The following SMAD9 variants were observed in gnomAD, a reference collection of about 807,000 sequenced individuals.
SMAD9 encodes the protein SMAD family member 9, also known as MAD homolog 9.
SMAD9 carries 36 observed loss-of-function variants against 46.1 expected under a neutral mutation model. The observed-to-expected ratio is 0.78, with a 90% CI of 0.60 to 1.03. The LOEUF is 1.03. Ranked by LOEUF, SMAD9 falls within the 50% of genes least tolerant of loss-of-function variation. SMAD9 has a pLI of 0.00. For synonymous variants in SMAD9, 245 were observed against 237.1 expected, an observed-to-expected ratio of 1.03 and a Z score of -0.31; for missense variants, 572 against 599.8, an observed-to-expected ratio of 0.95 and a Z score of 0.48.
rs550496577 is a variant in SMAD9, at chr13:36,851,706, T to A, written c.1260+1713A>T. The stretch of plus-strand genomic sequence containing the variant: ...TCTGATCCATCAGCCCAGTGGTAGC[T>A]ACAGCTGCTCATCTCAAATGTTAAA... On this transcript the variant is annotated intron_variant, in intron 6 of 6. Transcript: ENST00000379826. The A allele has an allele frequency of 6.1e-5, 59 of 968,430 alleles. No individual in the cohort carries two copies. The South Asian group carries it at 2.4e-3, about 39-fold the overall frequency. The allele number at this position is 968,430 out of a possible 1,614,324, so 60.0% of individuals were successfully genotyped here.
chr13:36,884,585 T>C (rs757040743), intron 1 of SMAD9, among the ~76,000 whole-genome samples: 1 of 152,206 alleles, frequency 6.6e-6, no homozygotes, highest in Non-Finnish European at 1.5e-5. Context: ...GCATACACCA[T>C]GATTTAAGTG....
chr13:36,851,825 T>C, intron 6 of SMAD9: 1 of 982,340 alleles, frequency 1.0e-6, no homozygotes, highest in African/African-American at 1.7e-5. Flanking sequence ...TTGTGTAGCT[T>C]TATGAATGTA....
chr13:36,877,974 T>C lies in SMAD9; in HGVS notation c.412+1304A>G, dbSNP rs532284067. On this transcript the variant is annotated intron_variant, in intron 2 of 6. Transcript: ENST00000379826. ...CTAATGTGCCAGCGCTTTGGTTTCC[T>C]GGGATGAGGCAGATGGCCAAAGAGA... is the stretch of plus-strand genomic sequence containing the variant. Among the ~76,000 whole-genome samples, 8 of 152,312 alleles carry C rather than the reference T, an allele frequency of 5.3e-5. No individual in the cohort carries two copies. In the East Asian group the frequency reaches 9.6e-4, roughly 18 times the overall value.
At chr13:36,900,656 G>A (rs2058566719) in intron 1 of SMAD9, among the ~76,000 whole-genome samples, 1 of 143,800 alleles carries the variant, frequency 7.0e-6, no homozygotes, top group African/African-American at 2.6e-5. Context: ...TTCCCGAAAG[G>A]ACTTACCACT....
chr13:36,898,044 G>T (rs988869989), intron 1 of SMAD9, among the ~76,000 whole-genome samples: 1 of 151,572 alleles, frequency 6.6e-6, no homozygotes, highest in Non-Finnish European at 1.5e-5. Flanking sequence ...ATTTTTATTA[G>T]AGACAGGGTT....
intron 2 of SMAD9, among the ~76,000 whole-genome samples, chr13:36,878,628 G>A (rs1405601849): frequency 6.6e-6 from 1 of 152,092 alleles, no homozygotes; most frequent in Non-Finnish European, 1.5e-5. Context: ...TTCATTGGCT[G>A]TTTTCAGACC....
At position 36,857,767 on chromosome 13, in the gene SMAD9, G is replaced by C. The variant is rs1218286983; in HGVS notation, c.1004-4092C>G. On this transcript the variant is annotated intron_variant, in intron 5 of 6. Coordinates refer to ENST00000379826, the MANE Select transcript of SMAD9 (RefSeq NM_001127217.3). ...CTCCTTACTGGGAGGGAGGCAAAAA[G>C]ATCACCATAAAAGGCAGAGTGTCCT... 2.0e-5 allele frequency among the ~76,000 whole-genome samples: 3 copies of C among 152,182 alleles called. No individual in the cohort carries two copies. In the East Asian group the frequency reaches 5.8e-4, roughly 30 times the overall value.
chr13:36,868,954 G>A (rs1008634797), intron 3 of SMAD9, among the ~76,000 whole-genome samples: 8 of 151,976 alleles, frequency 5.3e-5, no homozygotes, highest in East Asian at 1.9e-4. Flanking sequence ...ATGAACTACC[G>A]ATATATGCCA....
chr13:36,881,105 T>C (rs994752433), intron 1 of SMAD9, among the ~76,000 whole-genome samples: 3 of 152,234 alleles, frequency 2.0e-5, no homozygotes, highest in African/African-American at 7.2e-5. Context: ...ATCAGCTTAA[T>C]TCTTCTTTGC....
In SMAD9 at chr13:36,847,943, C is replaced by T. The variant is rs886050164; in HGVS notation, c.*733G>A. ...GCTGGCTCTTGGACCAAGTTCTGGT[C>T]TTATCTTGCAATCTGGGAAACAGCA... On this transcript the variant is annotated 3_prime_UTR_variant, in exon 7 of 7. Coordinates refer to ENST00000379826, the MANE Select transcript of SMAD9 (RefSeq NM_001127217.3). 95 of 152,248 alleles carry T rather than the reference C, an allele frequency of 6.2e-4. No homozygotes were observed. Among genetic ancestry groups the T allele is most frequent in the African/African-American group, 2.2e-3 (90 of 41,452 alleles). The allele number at this position is 152,248 out of a possible 1,614,324, so 9.4% of individuals were successfully genotyped here.
At chr13:36,863,769 T>G (rs542662743) in intron 5 of SMAD9, among the ~76,000 whole-genome samples, 1 of 152,260 alleles carries the variant, frequency 6.6e-6, no homozygotes, top group South Asian at 2.1e-4. Context: ...CCTTACACAG[T>G]GATTTTCAGA....
chr13:36,871,787 T>C (rs958485680), intron 3 of SMAD9, among the ~76,000 whole-genome samples: 2 of 152,236 alleles, frequency 1.3e-5, no homozygotes, highest in African/African-American at 4.8e-5. Context: ...TCCCACATCG[T>C]AGGGACAATT....
At chr13:36,874,273 C>T (rs541082406) in intron 2 of SMAD9, among the ~76,000 whole-genome samples, 1 of 152,298 alleles carries the variant, frequency 6.6e-6, no homozygotes, top group African/African-American at 2.4e-5. Flanking sequence ...AGATCCAGAC[C>T]TAGTCTTTCC....
intron 3 of SMAD9, among the ~76,000 whole-genome samples, chr13:36,869,024 AT>A (rs2058262788): frequency 6.6e-6 from 1 of 152,182 alleles, no homozygotes; most frequent in African/African-American, 2.4e-5. Flanking sequence ...AGGGGCAAAT[AT>A]TGCATGAATC....
At chr13:36,909,131 A>G (rs2058640904) in intron 1 of SMAD9, among the ~76,000 whole-genome samples, 1 of 152,168 alleles carries the variant, frequency 6.6e-6, no homozygotes, top group African/African-American at 2.4e-5. Flanking sequence ...ATTTTGAATT[A>G]TTTTTTAAAT....
intron 1 of SMAD9, among the ~76,000 whole-genome samples, chr13:36,919,228 A>C (rs1384319345): frequency 2.0e-5 from 3 of 152,318 alleles, no homozygotes; most frequent in South Asian, 2.1e-4. Flanking sequence ...GGAGGAAGGA[A>C]TAGTAACGGG....
At chr13:36,903,404 C>T (rs1445166590) in intron 1 of SMAD9, among the ~76,000 whole-genome samples, 1 of 152,148 alleles carries the variant, frequency 6.6e-6, no homozygotes, top group Non-Finnish European at 1.5e-5. Flanking sequence ...GGATTACAGT[C>T]GTCAGCCACC....
upstream of SMAD9, among the ~76,000 whole-genome samples, chr13:36,920,459 G>C (rs186956493): frequency 0.026 from 3,979 of 151,838 alleles, 71 homozygotes; most frequent in Non-Finnish European, 0.041. Flanking sequence ...AGTACTCCTC[G>C]CAGCGGCCTG....
At chr13:36,897,336 A>C (rs2058537083) in intron 1 of SMAD9, among the ~76,000 whole-genome samples, 1 of 152,218 alleles carries the variant, frequency 6.6e-6, no homozygotes, top group Non-Finnish European at 1.5e-5. Context: ...ATATAGCATT[A>C]GTTTGAATTT....
Sources: allele counts gnomAD v4.1 joint callset (sites outside exome capture counted in the v4.1 genomes callset), GRCh38; gene constraint gnomAD v4.1.1; transcripts MANE v1.5; gene names NCBI Gene and HGNC (gene_info 2026-07-23, HGNC 2026-07-21).